Variants in PRKDC observed in about 807,000 individuals in gnomAD.
PRKDC encodes DNA-dependent protein kinase catalytic subunit.
Under a neutral mutation model 486.9 loss-of-function variants are expected in PRKDC, and 82 were observed. The ratio of observed to expected loss-of-function variants is 0.17; its 90% CI spans 0.14 to 0.20. The LOEUF (loss-of-function observed/expected upper bound fraction) is 0.20, where lower values mean the gene tolerates loss of function less well. PRKDC is among the 10% of genes least tolerant of loss of function. The probability of loss-of-function intolerance (pLI) is 1.00; values close to 1 mark genes in which losing one functional copy is unlikely to be tolerated. For synonymous variants in PRKDC, 1,895 were observed against 1,837.0 expected, an observed-to-expected ratio of 1.03 and a Z score of -0.81; for missense variants, 4,504 against 5,038.2, an observed-to-expected ratio of 0.89 and a Z score of 3.21.
chr8:47,948,168 G>T (rs1013439137), intron 7 of PRKDC, among the ~76,000 whole-genome samples: 12 of 151,556 alleles, frequency 7.9e-5, no homozygotes, highest in African/African-American at 2.9e-4. Context: ...TTTTTGAGAT[G>T]GAGTCTTGCT....
chr8:47,912,267 T>TA (rs1288327725), intron 25 of PRKDC, 143 bp downstream of exon 25: 1 of 917,156 alleles, frequency 1.1e-6, no homozygotes, highest in Non-Finnish European at 1.5e-6. Context: ...CATGACCAAT[T>TA]AAACCAGAGC....
chr8:47,934,813 T>A (rs1466595742), intron 14 of PRKDC, among the ~76,000 whole-genome samples, 196 bp downstream of exon 14: 1 of 152,242 alleles, frequency 6.6e-6, no homozygotes, highest in South Asian at 2.1e-4. Flanking sequence ...TGCTTAAAGA[T>A]GTTTCATACC....
chr8:47,799,098 T>C (rs1563740289), intron 72 of PRKDC, 112 bp downstream of exon 72: 1 of 1,366,338 alleles, frequency 7.3e-7, no homozygotes, highest in African/African-American at 1.4e-5. Context: ...AGTAGGATTT[T>C]CAAAATATTT....
At chr8:47,921,665 G>T (rs1439201606) in intron 21 of PRKDC, among the ~76,000 whole-genome samples, 3 of 152,112 alleles carry the variant, frequency 2.0e-5, no homozygotes, top group African/African-American at 7.2e-5. Flanking sequence ...GGTGTGTAAG[G>T]CAATTCTCAA....
chr8:47,801,105 T>A, intron 70 of PRKDC, 119 bp from the exon 71 acceptor site: 1 of 998,426 alleles, frequency 1.0e-6, no homozygotes, highest in Non-Finnish European at 1.5e-6. Flanking sequence ...AGGGTCTCGC[T>A]CTGTTACCCA....
chr8:47,881,374 G>A, intron 38 of PRKDC, 42 bp downstream of exon 38: 1 of 1,141,622 alleles, frequency 8.8e-7, no homozygotes. Flanking sequence ...TACGAAAACA[G>A]AAGAGAATGT....
intron 77 of PRKDC, chr8:47,784,266 A>T (rs1044608179): frequency 6.2e-6 from 1 of 162,020 alleles, no homozygotes; most frequent in Non-Finnish European, 1.4e-5. Context: ...GCAAAAAAAA[A>T]AAAAAAGTTA....
In PRKDC at chr8:47,783,805, C is replaced by T; in HGVS notation, c.11112G>A (p.Gln3704=). The T allele has an allele frequency of 1.9e-6, 3 of 1,613,964 alleles. No homozygotes were observed. The highest frequency in any genetic ancestry group is 2.5e-6 in the Non-Finnish European group (3 of 1,179,876). The change falls in exon 78 of 86, where the codon CAG becomes CAA. Residue 3704 remains glutamine (Q), a synonymous_variant. Coordinates refer to ENST00000314191, the MANE Select transcript of PRKDC (RefSeq NM_006904.7). The part of the protein sequence containing the change: ...FLRNELEIPG[Q]YDGRGKPLPE... ...GCAATGGCTTTCCCCTACCGTCATA[C>T]TGACCTAAAACAAACCAGAACCTTG...
At chr8:47,909,657 G>A (rs1205541691) in intron 25 of PRKDC, among the ~76,000 whole-genome samples, 2 of 152,214 alleles carry the variant, frequency 1.3e-5, no homozygotes, top group Admixed American at 1.3e-4. Flanking sequence ...GCAAGTAGGA[G>A]AAATATCGCT....
chr8:47,849,610 A>G lies in PRKDC; in HGVS notation c.7006-107T>C, dbSNP rs1406161269. 3.9e-6 allele frequency: 5 copies of G among 1,279,134 alleles called. No homozygotes were observed. In the East Asian group the frequency reaches 1.2e-4, roughly 32 times the overall value. The allele number at this position is 1,279,134 out of a possible 1,614,324, so 79.2% of individuals were successfully genotyped here. A position where few individuals can be genotyped will look rare whatever the true frequency, so the allele number is the denominator to read the frequency against. On this transcript the variant is annotated intron_variant, in intron 52 of 85. Coordinates refer to ENST00000314191, the MANE Select transcript of PRKDC (RefSeq NM_006904.7). ...TAAGTGAGCCCAACAAAGGTGCTCAATGTTGTCACCTACAAGGTAGATGAT... is the reference window on the plus strand; with the variant it reads ...TAAGTGAGCCCAACAAAGGTGCTCAGTGTTGTCACCTACAAGGTAGATGAT...
chr8:47,820,970 A>G (rs1336804877), intron 65 of PRKDC, 27 bp from the exon 66 acceptor site: 1 of 1,435,838 alleles, frequency 7.0e-7, no homozygotes, highest in Admixed American at 2.1e-5. Flanking sequence ...TATACTTGTA[A>G]CTACAGAAGG....
At chr8:47,917,042 C>A (rs891968745) in intron 22 of PRKDC, among the ~76,000 whole-genome samples, 1 of 151,924 alleles carries the variant, frequency 6.6e-6, no homozygotes, top group Non-Finnish European at 1.5e-5. Flanking sequence ...GATTGCTTAA[C>A]CCCAGGAGTT....
chr8:47,928,730 C>G (rs758079706), intron 19 of PRKDC, among the ~76,000 whole-genome samples: 38 of 152,008 alleles, frequency 2.5e-4, no homozygotes, highest in Non-Finnish European at 3.5e-4. Context: ...GTCACCCAGC[C>G]TGGAGTACAG....
At chr8:47,905,331 A>G (rs1036023209) in intron 25 of PRKDC, among the ~76,000 whole-genome samples, 4 of 152,082 alleles carry the variant, frequency 2.6e-5, no homozygotes, top group African/African-American at 7.2e-5. Context: ...CCCCAGCCCC[A>G]TTAGTTTCCT....
intron 74 of PRKDC, among the ~76,000 whole-genome samples, chr8:47,793,767 C>T (rs1281567885): frequency 1.3e-5 from 2 of 149,170 alleles, no homozygotes; most frequent in Admixed American, 6.6e-5. Context: ...GGCAGATCTG[C>T]TCATAATTAA....
Position 47,821,684 on chromosome 8 carries a change from G to C in PRKDC, c.9031C>G (p.Leu3011Val). The change falls in exon 65 of 86, where the codon CTT (leucine) becomes GTT (valine). Residue 3011 changes from leucine to valine, a missense_variant. Around this residue, in one of 6 missense-constraint regions of PRKDC, gnomAD observed 1,592 missense variants for 1,724.6 expected, o/e 0.92. Coordinates refer to ENST00000314191, the MANE Select transcript of PRKDC (RefSeq NM_006904.7). The part of the protein sequence containing the change: ...CYNHLAEWKS[L>V]EYCSTASIDS... ...ATACTGGCTGTAGAACAGTATTCAA[G>C]TGATTTCCACTCAGCAAGGTGGTTG... is the stretch of plus-strand genomic sequence containing the variant. 1.9e-6 allele frequency: 3 copies of C among 1,602,384 alleles called. No individual in the cohort carries two copies. Among genetic ancestry groups the C allele is most frequent in the Non-Finnish European group, 2.6e-6 (3 of 1,173,834 alleles).
chr8:47,913,336 C>A (rs190360839), intron 24 of PRKDC, among the ~76,000 whole-genome samples: 1 of 152,292 alleles, frequency 6.6e-6, no homozygotes, highest in Non-Finnish European at 1.5e-5. Flanking sequence ...ATATCACTCT[C>A]AAATGCCCTT....
At chr8:47,854,268 A>G (rs2088482376) in intron 50 of PRKDC, 54 bp from the exon 51 acceptor site, 1 of 1,581,312 alleles carries the variant, frequency 6.3e-7, no homozygotes, top group Non-Finnish European at 8.7e-7. Context: ...TCAAGTAAGA[A>G]GCAGGAAGAC....
chr8:47,899,465 G>C (rs753956803), intron 28 of PRKDC, among the ~76,000 whole-genome samples: 11 of 152,032 alleles, frequency 7.2e-5, no homozygotes, highest in African/African-American at 1.2e-4. Context: ...GGCTAACATG[G>C]AGAAACATCT....
Sources: allele counts gnomAD v4.1 joint callset (sites outside exome capture counted in the v4.1 genomes callset), GRCh38; gene constraint gnomAD v4.1.1; regional missense constraint gnomAD v4.1.1; transcripts MANE v1.5; gene names NCBI Gene and HGNC (gene_info 2026-07-23, HGNC 2026-07-21).